GNPTAB: variants seen among roughly 807,000 people sequenced by gnomAD.
GNPTAB encodes the protein N-acetylglucosamine-1-phosphotransferase subunits alpha/beta.
Under a neutral mutation model 136.6 loss-of-function variants are expected in GNPTAB, and 92 were observed. That is an observed-to-expected ratio of 0.67 (90% confidence interval 0.57 to 0.80). GNPTAB has a LOEUF of 0.80. Ranked by LOEUF, GNPTAB falls within the 30% of genes least tolerant of loss-of-function variation. GNPTAB has a pLI of 0.00. For missense variants in GNPTAB, 1,343 were observed against 1,501.8 expected, an observed-to-expected ratio of 0.89 and a Z score of 1.75; for synonymous variants, 512 against 535.1, an observed-to-expected ratio of 0.96 and a Z score of 0.60.
chr12:101,796,712 A>T lies in GNPTAB; in HGVS notation c.168T>A (p.Tyr56Ter), dbSNP rs281864950. The change falls in exon 2 of 21, where the codon TAT becomes TAA. Residue 56 changes from tyrosine (Y) to a stop codon, truncating the protein, a stop_gained. Coordinates refer to ENST00000299314, the MANE Select transcript of GNPTAB (RefSeq NM_024312.5). LOFTEE classifies it high-confidence loss of function. ...AGGACTTTCCAGCAATATTGTCTCT[A>T]TAGGAATCAAACAAAACATGGTATT... The part of the protein sequence containing the change: ...RDQYHVLFDS[Y>*]RDNIAGKSFQ... The T allele has an allele frequency of 1.2e-6, 2 of 1,612,678 alleles. No individual in the cohort carries two copies. The highest frequency in any genetic ancestry group is 8.5e-7 in the Non-Finnish European group (1 of 1,178,856).
intron 1 of GNPTAB, among the ~76,000 whole-genome samples, chr12:101,808,115 A>G (rs1411226588): frequency 6.6e-6 from 1 of 152,206 alleles, no homozygotes; most frequent in Admixed American, 6.5e-5. Flanking sequence ...AATGGAAACA[A>G]TCAAAGAAGA....
rs550760767 is a variant in GNPTAB at position 101,808,517 on chromosome 12, G to A, written c.118-11755C>T. Reference sequence around the variant, plus strand: ...TGTTCACGCCACTGCACTCCAGCCTGGATGACAGAGCAAGACTCCGTCTCC... The same window carrying A: ...TGTTCACGCCACTGCACTCCAGCCTAGATGACAGAGCAAGACTCCGTCTCC... On this transcript the variant is annotated intron_variant, in intron 1 of 20. Transcript: ENST00000299314. 1.2e-3 allele frequency among the ~76,000 whole-genome samples: 185 copies of A among 152,224 alleles called. 2 individuals are homozygous for A. The highest frequency in any genetic ancestry group is 4.1e-3 in the African/African-American group (170 of 41,530).
chr12:101,797,759 C>T (rs1233195463), intron 1 of GNPTAB, among the ~76,000 whole-genome samples: 2 of 152,148 alleles, frequency 1.3e-5, no homozygotes, highest in African/African-American at 4.8e-5. Context: ...TAGAAGTTCC[C>T]TCATGTTTGC....
intron 2 of GNPTAB, chr12:101,795,948 T>C (rs895748847): frequency 5.9e-6 from 2 of 339,094 alleles, no homozygotes; most frequent in African/African-American, 2.1e-5. Context: ...AGGTCTGTCT[T>C]GTGAAGAGGA....
At chr12:101,776,647 C>T (rs1316585835) in intron 7 of GNPTAB, among the ~76,000 whole-genome samples, 1 of 152,236 alleles carries the variant, frequency 6.6e-6, no homozygotes, top group Non-Finnish European at 1.5e-5. Context: ...AGACACATTT[C>T]TGTGCCTAGA....
At chr12:101,790,151 A>G (rs1361371839) in intron 2 of GNPTAB, 94 bp from the exon 3 acceptor site, 5 of 1,543,250 alleles carry the variant, frequency 3.2e-6, no homozygotes, top group Non-Finnish European at 4.5e-6. Flanking sequence ...GAGATTATGA[A>G]AAAAATCTCT....
At chr12:101,802,709 G>A (rs1321461192) in intron 1 of GNPTAB, among the ~76,000 whole-genome samples, 2 of 152,162 alleles carry the variant, frequency 1.3e-5, no homozygotes, top group Non-Finnish European at 2.9e-5. Flanking sequence ...TAAAGAAAAT[G>A]TTGAATCTAC....
intron 1 of GNPTAB, among the ~76,000 whole-genome samples, chr12:101,820,123 A>T (rs1870719427): frequency 6.6e-6 from 1 of 152,248 alleles, no homozygotes; most frequent in Non-Finnish European, 1.5e-5. Flanking sequence ...GCCTCTACGC[A>T]AGATGTCTTA....
rs753322857 is a variant in GNPTAB at position 101,786,150 on chromosome 12, G to T, written c.433C>A (p.Leu145Met). 2 of 1,614,086 alleles carry T rather than the reference G, an allele frequency of 1.2e-6. No individual in the cohort carries two copies. Among genetic ancestry groups the T allele is most frequent in the East Asian group, 4.5e-5 (2 of 44,870 alleles). The change falls in exon 5 of 21, where the codon CTG (leucine) becomes ATG (methionine). Residue 145 changes from leucine (L) to methionine (M), a missense_variant. Physicochemically the swap from Leu to Met is conservative, Grantham distance 15 (BLOSUM62 2). Transcript: ENST00000299314. ...TCCTTCAGGGTGATGTTGGCTGGCA[G>T]GGCTGGGTCCAGGACAAGCATTGGC... ...KVPMLVLDPALPANITLKDLP... is the reference protein window; with the variant it reads ...KVPMLVLDPAMPANITLKDLP...
intron 5 of GNPTAB, among the ~76,000 whole-genome samples, chr12:101,782,477 G>A (rs1427326021): frequency 2.0e-5 from 3 of 152,076 alleles, no homozygotes; most frequent in African/African-American, 7.2e-5. Context: ...AAACCCTGTT[G>A]GGTTGACCTT....
rs769293566 is a variant in GNPTAB, at chr12:101,766,294, C to T, written c.1409G>A (p.Gly470Glu). ...AATATAGCGACTCCCTCCACTGTTT[C>T]CTGTAGATCGGAGGAAGAAGAGGGA... is the stretch of plus-strand genomic sequence containing the variant. Reference protein sequence around the residue: ...ACDWDGGDCSGNSGGSRYIAG... With the variant: ...ACDWDGGDCSENSGGSRYIAG... Residue 470 changes from glycine (G) to glutamate (E), a missense_variant and splice_region_variant, in exon 12 of 21, where the codon GGA (glycine) becomes GAA (glutamate). Gly to Glu is a moderately conservative substitution (Grantham distance 98). Coordinates refer to ENST00000299314, the MANE Select transcript of GNPTAB (RefSeq NM_024312.5). 6.2e-7 allele frequency: 1 copy of T among 1,612,782 alleles called. No individual in the cohort carries two copies. Among genetic ancestry groups the T allele is most frequent in the Non-Finnish European group, 8.5e-7 (1 of 1,178,870 alleles).
At chr12:101,774,974 C>A (rs951449253) in intron 7 of GNPTAB, among the ~76,000 whole-genome samples, 6 of 152,182 alleles carry the variant, frequency 3.9e-5, no homozygotes, top group Non-Finnish European at 2.9e-5. Context: ...AGAAAGGCTG[C>A]GTCAAGTTGT....
chr12:101,765,010 C>T lies in GNPTAB; in HGVS notation c.1907G>A (p.Arg636Lys). ...KMQITVEVDT[R>K]EGPKLNSTAQ... ...TGTAGAATTCAGTTTTGGTCCCTCC[C>T]TTGTGTCCACCTCCACTGTTATCTG... is the stretch of plus-strand genomic sequence containing the variant. Residue 636 changes from arginine to lysine, a missense_variant, in exon 13 of 21, where the codon AGG becomes AAG. Coordinates refer to ENST00000299314, the MANE Select transcript of GNPTAB (RefSeq NM_024312.5). 6.2e-7 allele frequency: 1 copy of T among 1,614,158 alleles called. No individual in the cohort carries two copies. Among genetic ancestry groups the T allele is most frequent in the Non-Finnish European group, 8.5e-7 (1 of 1,180,024 alleles).
chr12:101,821,654 C>T (rs1025958540), intron 1 of GNPTAB, among the ~76,000 whole-genome samples: 1 of 152,164 alleles, frequency 6.6e-6, no homozygotes. Context: ...CCTGCTCCAC[C>T]TCATTCAAGG....
chr12:101,764,100 C>G, intron 13 of GNPTAB, 102 bp downstream of exon 13: 1 of 1,455,204 alleles, frequency 6.9e-7, no homozygotes, highest in South Asian at 1.2e-5. Flanking sequence ...GTTCCATGGC[C>G]GGCACAGGGA....
In GNPTAB at chr12:101,761,218, T is replaced by G. The variant is rs1323828950; in HGVS notation, c.3044A>C (p.Asp1015Ala). ...ACCAGATTGATCTGTATCAACTTCA[T>G]CAAAGACTTGAGATATATTCAGTGG... ...VQPLNISQVF[D>A]EVDTDQSGVL... The change falls in exon 15 of 21, where the codon GAT becomes GCT. Residue 1015 changes from aspartate (D) to alanine (A), a missense_variant. Physicochemically the swap from Asp to Ala is moderately radical, Grantham distance 126. Transcript: ENST00000299314. 1.2e-6 allele frequency: 2 copies of G among 1,614,092 alleles called. No homozygotes were observed. Among genetic ancestry groups the G allele is most frequent in the South Asian group, 2.2e-5 (2 of 91,088 alleles).
At chr12:101,750,701 G>A (rs528883054) in intron 19 of GNPTAB, among the ~76,000 whole-genome samples, 1 of 152,122 alleles carries the variant, frequency 6.6e-6, no homozygotes, top group South Asian at 2.1e-4. Context: ...GCCATTCCTT[G>A]CCATTTCTGG....
chr12:101,772,134 A>G (rs1953186175), intron 7 of GNPTAB, among the ~76,000 whole-genome samples: 1 of 152,204 alleles, frequency 6.6e-6, no homozygotes, highest in African/African-American at 2.4e-5. Context: ...ACGAAAGTCC[A>G]CACCACTCTT....
chr12:101,771,752 C>A (rs887842851), intron 7 of GNPTAB, among the ~76,000 whole-genome samples: 5 of 152,204 alleles, frequency 3.3e-5, no homozygotes, highest in Admixed American at 6.5e-5. Flanking sequence ...TCCTGAGAGG[C>A]AAGAATCCCC....
Sources: allele counts gnomAD v4.1 joint callset (sites outside exome capture counted in the v4.1 genomes callset), GRCh38; gene constraint gnomAD v4.1.1; transcripts MANE v1.5; gene names NCBI Gene and HGNC (gene_info 2026-07-23, HGNC 2026-07-21).